The following ANKRD26 variants were observed in gnomAD, a reference collection of about 807,000 sequenced individuals.
ANKRD26 encodes ankyrin repeat domain-containing protein 26.
In ANKRD26, 141 loss-of-function variants were observed where a neutral mutation model predicts 208.7. The observed-to-expected ratio is 0.68, with a 90% CI of 0.59 to 0.78. The LOEUF (loss-of-function observed/expected upper bound fraction) is 0.78, where lower values mean the gene tolerates loss of function less well. ANKRD26 is among the 30% of genes least tolerant of loss of function. ANKRD26 has a pLI of 0.00. For synonymous variants in ANKRD26, 636 were observed against 660.4 expected, an observed-to-expected ratio of 0.96 and a Z score of 0.57; for missense variants, 1,889 against 1,938.7, an observed-to-expected ratio of 0.97 and a Z score of 0.48.
chr10:26,956,617 G>A, the ANKRD26 span, among the ~76,000 whole-genome samples: 1 of 151,840 alleles, frequency 6.6e-6, no homozygotes, highest in African/African-American at 2.4e-5. Context: ...GGGTGACTGA[G>A]TGAGCTTGTG....
chr10:27,006,800 C>T (rs2052901081), intron 33 of ANKRD26, 117 bp downstream of exon 33: 2 of 787,364 alleles, frequency 2.5e-6, no homozygotes, highest in African/African-American at 3.4e-5. Flanking sequence ...TAAGAAAGAA[C>T]ATTTAATGTA....
At chr10:27,022,459 TAAA>T (rs201745310) in intron 29 of ANKRD26, 96 bp downstream of exon 29, 2 of 920,448 alleles carry the variant, frequency 2.2e-6, no homozygotes, top group African/African-American at 1.7e-5. Context: ...TCCCTAAAGT[TAAA>T]AAAAAAAATC....
intron 18 of ANKRD26, 76 bp downstream of exon 18, chr10:27,046,277 C>CTACA: frequency 7.2e-7 from 1 of 1,390,582 alleles, no homozygotes; most frequent in Non-Finnish European, 1.0e-6. Flanking sequence ...CTTTGGGAGA[C>CTACA]TACATCATTC....
At position 27,029,370 on chromosome 10, in the gene ANKRD26, T is replaced by C; in HGVS notation, c.3808-14A>G. On this transcript the variant is annotated splice_polypyrimidine_tract_variant and intron_variant, in intron 25 of 33. Transcript: ENST00000376087. ...TGCTTCTTGCAACTAAAACAAAGAA[T>C]AAAAAAAACCCACTTTACTAATAAT... 1 of 1,607,146 alleles carries C rather than the reference T, an allele frequency of 6.2e-7. No homozygotes were observed.
At chr10:27,070,037 T>G (rs1160646436) in intron 9 of ANKRD26, among the ~76,000 whole-genome samples, 2 of 150,678 alleles carry the variant, frequency 1.3e-5, no homozygotes, top group Non-Finnish European at 3.0e-5. Context: ...CCCAGAAGAT[T>G]TAAGCTTCAG....
At chr10:26,963,903 G>GTTTTTTGTTTTTTTT in the ANKRD26 span, among the ~76,000 whole-genome samples, 1 of 71,850 alleles carries the variant, frequency 1.4e-5, no homozygotes, top group South Asian at 5.4e-4. Flanking sequence ...TGGTTGGTTG[G>GTTTTTTGTTTTTTTT]TTTTTTTTTT....
intron 9 of ANKRD26, among the ~76,000 whole-genome samples, chr10:27,070,933 G>A (rs982551348): frequency 7.9e-5 from 12 of 152,024 alleles, no homozygotes; most frequent in Non-Finnish European, 1.5e-4. Context: ...CCAAAGTGCT[G>A]GGATTGCAGG....
chr10:27,040,437 C>A (rs2054196764), intron 20 of ANKRD26, among the ~76,000 whole-genome samples: 1 of 152,092 alleles, frequency 6.6e-6, no homozygotes, highest in African/African-American at 2.4e-5. Flanking sequence ...TGTAAGGAAA[C>A]AGAGTTCTAT....
In ANKRD26 at chr10:27,005,273, G is replaced by T; in HGVS notation, c.*317C>A. 1 of 1,074,170 alleles carries T rather than the reference G, an allele frequency of 9.3e-7. No homozygotes were observed. The highest frequency in any genetic ancestry group is 8.0e-5 in the East Asian group (1 of 12,566). The allele number at this position is 1,074,170 out of a possible 1,614,324, so 66.5% of individuals were successfully genotyped here. On this transcript the variant is annotated 3_prime_UTR_variant, in exon 34 of 34. Coordinates refer to ENST00000376087, the MANE Select transcript of ANKRD26 (RefSeq NM_014915.3). ...AATTAGACATCTACCACTACATATA[G>T]TGATAAAAATTACAAAATACAAATA...
At position 27,085,394 on chromosome 10, in the gene ANKRD26, T is replaced by A. The variant is rs570172144; in HGVS notation, c.709+1145A>T. Among the ~76,000 whole-genome samples, 122 of 152,288 alleles carry A rather than the reference T, an allele frequency of 8.0e-4. 2 individuals are homozygous for A. The highest frequency in any genetic ancestry group is 3.7e-3 in the South Asian group (18 of 4,832). On this transcript the variant is annotated intron_variant, in intron 5 of 33. Coordinates refer to ENST00000376087, the MANE Select transcript of ANKRD26 (RefSeq NM_014915.3). ...GATTACAGGCGTGAGCCACCGCACC[T>A]GGCCAGAAGAACACATCTTGTTCTA...
At chr10:27,059,885 ACT>A (rs112820011) in intron 15 of ANKRD26, among the ~76,000 whole-genome samples, 1 of 148,874 alleles carries the variant, frequency 6.7e-6, no homozygotes, top group African/African-American at 2.5e-5. Context: ...ACAGAGTGAG[ACT>A]CTGTATCAAA....
Position 27,006,898 on chromosome 10 carries a change from A to G in ANKRD26, c.4999+19T>C, listed in dbSNP as rs2052905174. 6.3e-7 allele frequency: 1 copy of G among 1,587,416 alleles called. No individual in the cohort carries two copies. Among genetic ancestry groups the G allele is most frequent in the Non-Finnish European group, 8.6e-7 (1 of 1,156,902 alleles). ...CAATTAATTAATCTAAATTTAATTC[A>G]TGAAGTTTGGCAACATACCTTCTTT... On this transcript the variant is annotated intron_variant, in intron 33 of 33. Transcript: ENST00000376087.
intron 3 of ANKRD26, among the ~76,000 whole-genome samples, chr10:27,093,079 ACT>A (rs751167686): frequency 1.5e-4 from 22 of 151,298 alleles, no homozygotes; most frequent in Non-Finnish European, 3.1e-4. Flanking sequence ...ACAGAGCAAG[ACT>A]CTGTCTCAAA....
At chr10:27,052,526 A>T (rs2054698031) in intron 16 of ANKRD26, among the ~76,000 whole-genome samples, 1 of 152,130 alleles carries the variant, frequency 6.6e-6, no homozygotes, top group African/African-American at 2.4e-5. Flanking sequence ...TTAGGAGCCA[A>T]AATAAACACC....
the ANKRD26 span, among the ~76,000 whole-genome samples, chr10:26,959,797 G>T: frequency 6.6e-6 from 1 of 152,030 alleles, no homozygotes; most frequent in Admixed American, 6.6e-5. Context: ...CACTGTTGAG[G>T]TTCCTCCTGA....
rs1030641817 is a variant in ANKRD26 at position 27,004,841 on chromosome 10, A to G, written c.*749T>C. 1 of 164,968 alleles carries G rather than the reference A, an allele frequency of 6.1e-6. No individual in the cohort carries two copies. The highest frequency in any genetic ancestry group is 1.3e-5 in the Non-Finnish European group (1 of 79,810). 10.2% of individuals were successfully genotyped at this position (164,968 alleles called of 1,614,324 possible). On this transcript the variant is annotated 3_prime_UTR_variant, in exon 34 of 34. Coordinates refer to ENST00000376087, the MANE Select transcript of ANKRD26 (RefSeq NM_014915.3). ...ATGGGATCCTTTTGCTATAAAGGAC[A>G]TTACAGAGAAGTAACAAACTAGAAT...
intron 5 of ANKRD26, 109 bp downstream of exon 5, chr10:27,086,430 C>T: frequency 7.0e-7 from 1 of 1,422,506 alleles, no homozygotes; most frequent in South Asian, 1.2e-5. Flanking sequence ...TACACATGCA[C>T]CTTATACACT....
chr10:26,969,417 C>T (rs528358676), downstream of ANKRD26, among the ~76,000 whole-genome samples: 20 of 152,286 alleles, frequency 1.3e-4, 1 homozygote, highest in East Asian at 3.9e-3. Context: ...ACCAGCCACA[C>T]ACATCAAAAC....
chr10:26,957,484 G>A, the ANKRD26 span, among the ~76,000 whole-genome samples: 1 of 152,204 alleles, frequency 6.6e-6, no homozygotes, highest in African/African-American at 2.4e-5. Flanking sequence ...ACTACAGTAG[G>A]AGTAAATCAA....
Sources: allele counts gnomAD v4.1 joint callset (sites outside exome capture counted in the v4.1 genomes callset), GRCh38; gene constraint gnomAD v4.1.1; transcripts MANE v1.5; gene names NCBI Gene and HGNC (gene_info 2026-07-23, HGNC 2026-07-21).